C12orf42: variants seen among roughly 807,000 people sequenced by gnomAD.
C12orf42 encodes the protein chromosome 12 open reading frame 42, also known as uncharacterized protein C12orf42.
Under a neutral mutation model 21.6 loss-of-function variants are expected in C12orf42, and 25 were observed. That is an observed-to-expected ratio of 1.16 (90% CI 0.84 to 1.62). The LOEUF (loss-of-function observed/expected upper bound fraction) is 1.62, where lower values mean the gene tolerates loss of function less well. Ranked by LOEUF, C12orf42 falls within the 40% of genes most tolerant of loss-of-function variation. The pLI is 0.00. For missense variants in C12orf42, 483 were observed against 459.3 expected, an observed-to-expected ratio of 1.05 and a Z score of -0.47; for synonymous variants, 174 against 175.0, an observed-to-expected ratio of 0.99 and a Z score of 0.05.
chr12:103,094,401 C>G, the C12orf42 span, among the ~76,000 whole-genome samples: 1 of 152,186 alleles, frequency 6.6e-6, no homozygotes, highest in Admixed American at 6.5e-5. Context: ...CCTGAATTGT[C>G]TTAATCCATA....
chr12:103,560,613 C>T, the C12orf42 span, among the ~76,000 whole-genome samples: 33 of 152,300 alleles, frequency 2.2e-4, no homozygotes, highest in East Asian at 5.2e-3. Flanking sequence ...AAGTGGCCTA[C>T]TGAGCCCAAA....
At chr12:103,097,450 T>G in the C12orf42 span, among the ~76,000 whole-genome samples, 3 of 152,132 alleles carry the variant, frequency 2.0e-5, no homozygotes, top group East Asian at 5.8e-4. Flanking sequence ...GAAATACGAG[T>G]CTCATTTATG....
chr12:103,460,301 T>C (rs1952611199), intron 2 of C12orf42, among the ~76,000 whole-genome samples: 1 of 142,858 alleles, frequency 7.0e-6, no homozygotes, highest in South Asian at 2.2e-4. Context: ...AGAGAGAGAT[T>C]GAAAGCAAAG....
intron 3 of C12orf42, among the ~76,000 whole-genome samples, chr12:103,401,197 A>C (rs2047957576): frequency 6.6e-6 from 1 of 152,054 alleles, no homozygotes; most frequent in African/African-American, 2.4e-5. Flanking sequence ...ACAGGAGAGG[A>C]ACACTACTAA....
chr12:103,498,288 T>C (rs184880272), upstream of C12orf42, among the ~76,000 whole-genome samples: 118 of 152,360 alleles, frequency 7.7e-4, no homozygotes, highest in African/African-American at 2.7e-3. Flanking sequence ...AATTTGGCTA[T>C]ATAATAGCAG....
At chr12:103,361,948 T>C (rs1254456188) in intron 4 of C12orf42, among the ~76,000 whole-genome samples, 1 of 152,098 alleles carries the variant, frequency 6.6e-6, no homozygotes, top group Non-Finnish European at 1.5e-5. Flanking sequence ...AAAAAGCATA[T>C]TCTCCTGGGA....
intron 10 of C12orf42, among the ~76,000 whole-genome samples, chr12:103,241,312 T>C (rs2033731481): frequency 6.6e-6 from 1 of 152,122 alleles, no homozygotes; most frequent in Admixed American, 6.6e-5. Flanking sequence ...TTAGATTCCA[T>C]TTTAGTGGAT....
intron 2 of C12orf42, among the ~76,000 whole-genome samples, chr12:103,449,901 AAATAT>A (rs936428467): frequency 3.6e-4 from 55 of 151,628 alleles, no homozygotes; most frequent in Admixed American, 1.5e-3. Context: ...CTTCAAATAT[AAATAT>A]ATTTTATTTT....
the C12orf42 span, among the ~76,000 whole-genome samples, chr12:103,522,487 C>T: frequency 6.6e-6 from 1 of 152,114 alleles, no homozygotes; most frequent in East Asian, 1.9e-4. Flanking sequence ...CAACAGCACC[C>T]TCATCTCTCA....
At chr12:103,300,899 A>G (rs769055620), downstream of C12orf42, among the ~76,000 whole-genome samples, 1 of 152,214 alleles carries the variant, frequency 6.6e-6, no homozygotes, top group Non-Finnish European at 1.5e-5. Flanking sequence ...ATGAATAAAA[A>G]TAAAAGCATA....
At chr12:103,362,659 A>G (rs2044221361) in intron 4 of C12orf42, among the ~76,000 whole-genome samples, 1 of 152,110 alleles carries the variant, frequency 6.6e-6, no homozygotes, top group Non-Finnish European at 1.5e-5. Context: ...AAAAAATCAC[A>G]ACTTCAGGAA....
At chr12:103,149,738 C>T in the C12orf42 span, among the ~76,000 whole-genome samples, 235 of 152,304 alleles carry the variant, frequency 1.5e-3, no homozygotes, top group Non-Finnish European at 2.9e-3. Flanking sequence ...TTGTAAGTTT[C>T]CTGATGCCTC....
chr12:103,126,616 C>T, the C12orf42 span, among the ~76,000 whole-genome samples: 9 of 150,146 alleles, frequency 6.0e-5, no homozygotes, highest in Admixed American at 4.7e-4. Context: ...GAAAGGAAGA[C>T]GCAAACTTGT....
At chr12:103,426,297 G>A (rs573309974) in intron 2 of C12orf42, among the ~76,000 whole-genome samples, 15 of 152,328 alleles carry the variant, frequency 9.8e-5, no homozygotes, top group South Asian at 4.1e-4. Context: ...AACACAGCAC[G>A]AGAACTTCTT....
At chr12:103,267,718 G>C (rs904492135), downstream of C12orf42, 1 of 152,082 alleles carries the variant, frequency 6.6e-6, no homozygotes, top group Non-Finnish European at 1.5e-5. Flanking sequence ...GCTGAGAAGG[G>C]AGCAAGTGGG....
chr12:103,366,774 A>G (rs372692384), intron 4 of C12orf42, among the ~76,000 whole-genome samples: 1 of 151,908 alleles, frequency 6.6e-6, no homozygotes, highest in Non-Finnish European at 1.5e-5. Context: ...CCTTACTCCC[A>G]TAAGAATGGC....
chr12:103,444,582 A>G (rs572558518), intron 2 of C12orf42, among the ~76,000 whole-genome samples: 74 of 152,152 alleles, frequency 4.9e-4, no homozygotes, highest in African/African-American at 1.7e-3. Context: ...ATGTACCTGC[A>G]AATTGTGTTA....
At chr12:103,156,670 CT>C in the C12orf42 span, among the ~76,000 whole-genome samples, 5 of 152,224 alleles carry the variant, frequency 3.3e-5, no homozygotes, top group South Asian at 6.2e-4. Flanking sequence ...TTGTTTCTCT[CT>C]GTGTCCATGT....
the C12orf42 span, chr12:103,505,499 G>A: frequency 1.0e-5 from 4 of 388,174 alleles, no homozygotes; most frequent in Non-Finnish European, 1.5e-5. Context: ...GGTAGGGACG[G>A]CATTTACTGG....
Sources: allele counts gnomAD v4.1 joint callset (sites outside exome capture counted in the v4.1 genomes callset), GRCh38; gene constraint gnomAD v4.1.1; transcripts MANE v1.5; gene names NCBI Gene and HGNC (gene_info 2026-07-23, HGNC 2026-07-21).